Variants in CRAMP1 observed in about 807,000 individuals in gnomAD.
CRAMP1 encodes the protein cramped chromatin regulator 1, also known as protein cramped-like.
CRAMP1 carries 50 observed loss-of-function variants against 115.4 expected under a neutral mutation model. That is an observed-to-expected ratio of 0.43 (90% CI 0.35 to 0.55). The LOEUF (loss-of-function observed/expected upper bound fraction) is 0.55. CRAMP1 is among the 20% of genes least tolerant of loss of function. The pLI, the probability that CRAMP1 is intolerant of heterozygous loss-of-function variation, is 0.01. For missense variants in CRAMP1, 1,679 were observed against 1,721.7 expected, an observed-to-expected ratio of 0.98 and a Z score of 0.44; for synonymous variants, 866 against 745.4, an observed-to-expected ratio of 1.16 and a Z score of -2.64.
At chr16:1,628,460 G>A (rs540157254) in intron 3 of CRAMP1, among the ~76,000 whole-genome samples, 1 of 152,298 alleles carries the variant, frequency 6.6e-6, no homozygotes, top group East Asian at 1.9e-4. Context: ...CGCCACGTTG[G>A]TCAGGCTGGT....
In CRAMP1 at chr16:1,674,055, C is replaced by T. The variant is rs1196307570; in HGVS notation, c.*10C>T. 2 of 1,610,888 alleles carry T rather than the reference C, an allele frequency of 1.2e-6. No homozygotes were observed. Among genetic ancestry groups the T allele is most frequent in the East Asian group, 2.2e-5 (1 of 44,880 alleles). On this transcript the variant is annotated 3_prime_UTR_variant, in exon 21 of 21. Coordinates refer to ENST00000397412, the MANE Select transcript of CRAMP1 (RefSeq NM_020825.4). ...TGACCTGTCCCAGTGACCACACGTC[C>T]TGGTGGCGGATGAAGCCCTCTTCGA...
intron 1 of CRAMP1, among the ~76,000 whole-genome samples, chr16:1,613,366 C>T (rs1342785220): frequency 3.3e-5 from 5 of 152,124 alleles, no homozygotes; most frequent in South Asian, 2.1e-4. Flanking sequence ...GAAGCCATTT[C>T]CCGATCTCTC....
At chr16:1,648,103 A>G (rs1448958974) in intron 6 of CRAMP1, among the ~76,000 whole-genome samples, 1 of 152,044 alleles carries the variant, frequency 6.6e-6, no homozygotes, top group Non-Finnish European at 1.5e-5. Flanking sequence ...AGAAGGGTGC[A>G]CTTAGTTTGA....
chr16:1,623,513 A>G (rs1160393586), intron 2 of CRAMP1, among the ~76,000 whole-genome samples: 1 of 152,254 alleles, frequency 6.6e-6, no homozygotes, highest in Non-Finnish European at 1.5e-5. Flanking sequence ...TACTTTTTCA[A>G]ATATACCTAA....
At chr16:1,620,810 C>T (rs998999897) in intron 2 of CRAMP1, 2 of 415,444 alleles carry the variant, frequency 4.8e-6, no homozygotes, top group African/African-American at 4.1e-5. Flanking sequence ...GCTTGGCTTT[C>T]AGAGCTGTTC....
intron 6 of CRAMP1, among the ~76,000 whole-genome samples, chr16:1,643,282 C>A (rs2036647676): frequency 6.6e-6 from 1 of 152,106 alleles, no homozygotes; most frequent in Non-Finnish European, 1.5e-5. Context: ...GTGGCTCACG[C>A]CTGAAATCCC....
At chr16:1,623,372 C>T (rs549848687) in intron 2 of CRAMP1, among the ~76,000 whole-genome samples, 1 of 152,206 alleles carries the variant, frequency 6.6e-6, no homozygotes, top group Non-Finnish European at 1.5e-5. Context: ...TCTGAGAGCC[C>T]GTCCAGCTCA....
chr16:1,675,318 C>T lies in CRAMP1; in HGVS notation c.*1273C>T, dbSNP rs1246190982. 1 of 152,328 alleles carries T rather than the reference C, an allele frequency of 6.6e-6. No individual in the cohort carries two copies. The highest frequency in any genetic ancestry group is 1.5e-5 in the Non-Finnish European group (1 of 68,106). 9.4% of individuals were successfully genotyped at this position (152,328 alleles called of 1,614,324 possible). A position where few individuals can be genotyped will look rare whatever the true frequency, so the allele number is the denominator to read the frequency against. ...CACCGTCCATCCACATCCAGTGTGG[C>T]CTGGAGCTGCTACAGAGGTGTTGGG... On this transcript the variant is annotated 3_prime_UTR_variant, in exon 21 of 21. Coordinates refer to ENST00000397412, the MANE Select transcript of CRAMP1 (RefSeq NM_020825.4).
At chr16:1,639,370 C>G (rs1317887124) in intron 5 of CRAMP1, among the ~76,000 whole-genome samples, 2 of 151,342 alleles carry the variant, frequency 1.3e-5, no homozygotes, top group Middle Eastern at 3.2e-3. Context: ...CTCAAGAGCC[C>G]TTTTACAGAA....
intron 20 of CRAMP1, among the ~76,000 whole-genome samples, chr16:1,673,458 T>TC (rs2142212167): frequency 6.6e-6 from 1 of 152,344 alleles, no homozygotes; most frequent in Admixed American, 6.5e-5. Context: ...TTACCCCACC[T>TC]CCCGCTCAGG....
chr16:1,613,883 C>G (rs181227549), intron 1 of CRAMP1, among the ~76,000 whole-genome samples: 18 of 152,298 alleles, frequency 1.2e-4, no homozygotes, highest in African/African-American at 4.1e-4. Context: ...CATTTCCCAC[C>G]CTGGGAAGAA....
chr16:1,630,536 A>G (rs2036540963), intron 3 of CRAMP1, among the ~76,000 whole-genome samples: 1 of 152,190 alleles, frequency 6.6e-6, no homozygotes, highest in South Asian at 2.1e-4. Flanking sequence ...CTGCCTCCAC[A>G]GCATTAGGGC....
At chr16:1,634,523 TTC>T (rs1275803494) in intron 4 of CRAMP1, among the ~76,000 whole-genome samples, 4 of 152,104 alleles carry the variant, frequency 2.6e-5, no homozygotes, top group Admixed American at 1.3e-4. Flanking sequence ...ACAGGTCCTT[TTC>T]CCTTCTCCGT....
At position 1,649,855 on chromosome 16, in the gene CRAMP1, G is replaced by A. The variant is rs530801720; in HGVS notation, c.828-2641G>A. 2.0e-4 allele frequency among the ~76,000 whole-genome samples: 28 copies of A among 143,294 alleles called. 1 individual carries two copies. The highest frequency in any genetic ancestry group is 3.3e-4 in the Non-Finnish European group (22 of 67,002). 94.0% of individuals were successfully genotyped at this position (143,294 alleles called of 152,430 possible). On this transcript the variant is annotated intron_variant, in intron 6 of 20. Transcript: ENST00000397412. ...GTTGCCCAGGCTGGAGTGCAGTGGCGCAATCTCAGCTCACTACAACCTCTG... is the reference window on the plus strand; with the variant it reads ...GTTGCCCAGGCTGGAGTGCAGTGGCACAATCTCAGCTCACTACAACCTCTG...
chr16:1,643,338 C>T (rs576985462), intron 6 of CRAMP1, among the ~76,000 whole-genome samples: 4 of 152,140 alleles, frequency 2.6e-5, no homozygotes, highest in South Asian at 2.1e-4. Flanking sequence ...GTCAAGAGTT[C>T]GAAACCAGCA....
At position 1,656,334 on chromosome 16, in the gene CRAMP1, C is replaced by T. The variant is rs1364566361; in HGVS notation, c.1577C>T (p.Thr526Ile). The change falls in exon 10 of 21, where the codon ACC becomes ATC. Residue 526 changes from threonine (T) to isoleucine (I), a missense_variant. Around this residue, in one of 8 missense-constraint regions of CRAMP1, gnomAD observed 405 missense variants for 302.6 expected, o/e 1.34. Transcript: ENST00000397412. This position sits in a 1 kb window ranked among gnomAD's most constrained non-coding sequence, Gnocchi z 5.6. ...HQDTGPCLEKTPAEGRDSPTR... is the reference protein window; with the variant it reads ...HQDTGPCLEKIPAEGRDSPTR... ...GACACTGGGCCATGTCTTGAGAAGA[C>T]CCCTGCAGAAGGCAGGGACAGTCCC... 11 of 1,610,030 alleles carry T rather than the reference C, an allele frequency of 6.8e-6. 1 individual carries two copies. The South Asian group carries it at 8.8e-5, about 13-fold the overall frequency.
At position 1,656,758 on chromosome 16, in the gene CRAMP1, C is replaced by T. The variant is rs765097879; in HGVS notation, c.2001C>T (p.Ser667=). ...GGCCCCCGAAGGAGGTCCCCGCCAGCCGGCTGGCTCAGCAGCTCCGTGAGG... is the reference window on the plus strand; with the variant it reads ...GGCCCCCGAAGGAGGTCCCCGCCAGTCGGCTGGCTCAGCAGCTCCGTGAGG... ...AARPPKEVPA[S]RLAQQLREEG... Residue 667 remains serine (S), a synonymous_variant, in exon 10 of 21, where the codon AGC becomes AGT. Transcript: ENST00000397412. This position sits in a 1 kb window ranked among gnomAD's most constrained non-coding sequence, Gnocchi z 5.6. The T allele has an allele frequency of 1.9e-6, 3 of 1,548,074 alleles. No individual in the cohort carries two copies. Among genetic ancestry groups the T allele is most frequent in the Non-Finnish European group, 1.7e-6 (2 of 1,145,258 alleles).
chr16:1,677,309 G>C lies in CRAMP1; in HGVS notation c.*3264G>C, dbSNP rs1718030319. The C allele has an allele frequency of 6.6e-6, 1 of 152,238 alleles. No homozygotes were observed. The highest frequency in any genetic ancestry group is 2.4e-5 in the African/African-American group (1 of 41,438). 9.4% of individuals were successfully genotyped at this position (152,238 alleles called of 1,614,324 possible). A position where few individuals can be genotyped will look rare whatever the true frequency, so the allele number is the denominator to read the frequency against. ...AGTACAGAATTAGCCGGGCGTGGTG[G>C]CGCATGCCCATAATCCCAGCTACTG... On this transcript the variant is annotated 3_prime_UTR_variant, in exon 21 of 21. Coordinates refer to ENST00000397412, the MANE Select transcript of CRAMP1 (RefSeq NM_020825.4).
intron 1 of CRAMP1, among the ~76,000 whole-genome samples, chr16:1,613,887 G>C (rs1488837086): frequency 6.6e-6 from 1 of 152,146 alleles, no homozygotes; most frequent in Non-Finnish European, 1.5e-5. Flanking sequence ...TCCCACCCTG[G>C]GAAGAAGATT....
Sources: allele counts gnomAD v4.1 joint callset (sites outside exome capture counted in the v4.1 genomes callset), GRCh38; gene constraint gnomAD v4.1.1; regional missense constraint gnomAD v4.1.1; non-coding constraint Gnocchi (gnomAD v3.1); transcripts MANE v1.5; gene names NCBI Gene and HGNC (gene_info 2026-07-23, HGNC 2026-07-21).